Variants in PKN2 observed in about 807,000 individuals in gnomAD.
PKN2 encodes serine/threonine-protein kinase N2.
In PKN2, 38 loss-of-function variants were observed where a neutral mutation model predicts 119.1. That is an observed-to-expected ratio of 0.32 (90% CI 0.25 to 0.42). The LOEUF is 0.42. PKN2 is among the 10% of genes least tolerant of loss of function. PKN2 has a pLI of 1.00. For synonymous variants in PKN2, 390 were observed against 384.9 expected (o/e 1.01, Z -0.15); for missense variants, 850 against 1,165.1 (o/e 0.73, Z 3.94).
rs796728764 is a variant in PKN2, at chr1:88,720,912, A to C, written c.49-20076A>C. ...CCATTCCTGAGTTACTTCACTTAGA[A>C]TAGTTGTCTCCGATTCTATCCAGGC... is the stretch of plus-strand genomic sequence containing the variant. On this transcript the variant is annotated intron_variant, in intron 1 of 21. Transcript: ENST00000370521. Among the ~76,000 whole-genome samples, 5 of 152,284 alleles carry C rather than the reference A, an allele frequency of 3.3e-5. No individual in the cohort carries two copies. The South Asian group carries it at 1.0e-3, about 32-fold the overall frequency.
At chr1:88,730,681 A>G (rs1339251815) in intron 1 of PKN2, among the ~76,000 whole-genome samples, 1 of 152,196 alleles carries the variant, frequency 6.6e-6, no homozygotes, top group African/African-American at 2.4e-5. Context: ...TTTTTAAGTG[A>G]GGATAATAGG....
At chr1:88,753,228 A>C (rs538220158) in intron 2 of PKN2, among the ~76,000 whole-genome samples, 35 of 152,254 alleles carry the variant, frequency 2.3e-4, no homozygotes, top group African/African-American at 7.9e-4. Context: ...GCACTTCATG[A>C]CTTTTTTATT....
rs535956197 is a variant in PKN2 at position 88,684,549 on chromosome 1, G to A, written c.-32G>A. Reference sequence around the variant, plus strand: ...CCTTCTCCCTTCGCCAGAGGCGGCCGCGTCCAGGTGCGGAGTCCATACCGG... The same window carrying A: ...CCTTCTCCCTTCGCCAGAGGCGGCCACGTCCAGGTGCGGAGTCCATACCGG... On this transcript the variant is annotated 5_prime_UTR_variant, in exon 1 of 22. Transcript: ENST00000370521. 13 of 1,489,402 alleles carry A rather than the reference G, an allele frequency of 8.7e-6. No individual in the cohort carries two copies. The African/African-American group carries it at 1.6e-4, about 18-fold the overall frequency. 92.3% of individuals were successfully genotyped at this position (1,489,402 alleles called of 1,614,324 possible).
Position 88,719,076 on chromosome 1 carries a change from A to AT in PKN2, c.49-21906dup, listed in dbSNP as rs1272792548. ...CAAACCCTCATGGTAATTTAAGAATATTTTTTCTTGTGTCGTTAGCATATA... is the reference window on the plus strand; with the variant it reads ...CAAACCCTCATGGTAATTTAAGAATATTTTTTTCTTGTGTCGTTAGCATATA... On this transcript the variant is annotated intron_variant, in intron 1 of 21. Transcript: ENST00000370521. Among the ~76,000 whole-genome samples the AT allele has an allele frequency of 2.6e-5, 4 of 152,262 alleles. No individual in the cohort carries two copies. The South Asian group carries it at 6.2e-4, about 24-fold the overall frequency.
chr1:88,729,120 C>T (rs575153711), intron 1 of PKN2, among the ~76,000 whole-genome samples: 65 of 152,124 alleles, frequency 4.3e-4, no homozygotes, highest in Non-Finnish European at 8.4e-4. Context: ...TCTTGAACTC[C>T]TGACCTCAGG....
chr1:88,820,910 T>C (rs1008375962), intron 16 of PKN2, among the ~76,000 whole-genome samples: 5 of 152,258 alleles, frequency 3.3e-5, no homozygotes, highest in Non-Finnish European at 5.9e-5. Flanking sequence ...ATCATGTATA[T>C]TAGGCATTAT....
chr1:88,738,190 C>A (rs1048237471), intron 1 of PKN2, among the ~76,000 whole-genome samples: 3 of 151,198 alleles, frequency 2.0e-5, no homozygotes, highest in South Asian at 2.1e-4. Flanking sequence ...CAAAAAAAAA[C>A]CAAACTAATC....
rs184719292 is a variant in PKN2, at chr1:88,716,651, A to G, written c.49-24337A>G. Reference sequence around the variant, plus strand: ...TTTTTGTTTTCCATTTGCTGGGTAGATCTTCCTCCATCCCTTTATTTTGAG... The same window carrying G: ...TTTTTGTTTTCCATTTGCTGGGTAGGTCTTCCTCCATCCCTTTATTTTGAG... On this transcript the variant is annotated intron_variant, in intron 1 of 21. Coordinates refer to ENST00000370521, the MANE Select transcript of PKN2 (RefSeq NM_006256.4). Among the ~76,000 whole-genome samples, 27 of 152,018 alleles carry G rather than the reference A, an allele frequency of 1.8e-4. No homozygotes were observed. In the East Asian group the frequency reaches 2.5e-3, roughly 14 times the overall value.
chr1:88,815,239 A>T (rs1004409066), intron 16 of PKN2, among the ~76,000 whole-genome samples: 13 of 152,352 alleles, frequency 8.5e-5, no homozygotes, highest in Non-Finnish European at 1.8e-4. Context: ...TATAAATTAT[A>T]TACAAATAAA....
At chr1:88,711,073 T>C (rs562487046) in intron 1 of PKN2, among the ~76,000 whole-genome samples, 1 of 151,414 alleles carries the variant, frequency 6.6e-6, no homozygotes, top group Non-Finnish European at 1.5e-5. Flanking sequence ...TTCTGTCTTA[T>C]AAGTGGGAGC....
intron 16 of PKN2, 41 bp from the exon 17 acceptor site, chr1:88,821,900 T>C (rs752065702): frequency 8.6e-5 from 126 of 1,465,198 alleles, no homozygotes; most frequent in Non-Finnish European, 1.1e-4. Flanking sequence ...TCAAGAGCAA[T>C]AAAATTTATT....
At chr1:88,753,573 A>C (rs1350833658) in intron 2 of PKN2, among the ~76,000 whole-genome samples, 1 of 152,092 alleles carries the variant, frequency 6.6e-6, no homozygotes, top group East Asian at 1.9e-4. Context: ...TACAGGAAAC[A>C]TGATGCTGGC....
At chr1:88,812,868 A>C (rs540567649) in intron 15 of PKN2, among the ~76,000 whole-genome samples, 11 of 152,346 alleles carry the variant, frequency 7.2e-5, no homozygotes, top group African/African-American at 2.6e-4. Context: ...TTGGCTTAAT[A>C]AAGCAGATGT....
chr1:88,707,441 CTG>C (rs929361188), intron 1 of PKN2, among the ~76,000 whole-genome samples: 3 of 151,944 alleles, frequency 2.0e-5, no homozygotes, highest in Non-Finnish European at 4.4e-5. Context: ...TATTATAAAT[CTG>C]TTTTTTTGTA....
intron 1 of PKN2, among the ~76,000 whole-genome samples, chr1:88,735,905 T>C (rs577041344): frequency 5.9e-5 from 9 of 152,274 alleles, no homozygotes; most frequent in African/African-American, 1.9e-4. Flanking sequence ...TGTTATTATC[T>C]CTTTGAATAA....
At chr1:88,807,485 C>T in intron 13 of PKN2, 42 bp downstream of exon 13, 1 of 1,603,438 alleles carries the variant, frequency 6.2e-7, no homozygotes, top group South Asian at 1.1e-5. Flanking sequence ...ATGTTTGGTA[C>T]CATACTTTAT....
chr1:88,704,151 T>C (rs1165896865), intron 1 of PKN2, among the ~76,000 whole-genome samples: 1 of 152,176 alleles, frequency 6.6e-6, no homozygotes, highest in Non-Finnish European at 1.5e-5. Context: ...CCTCCTGTCA[T>C]TATTCCCTTT....
intron 8 of PKN2, among the ~76,000 whole-genome samples, chr1:88,789,219 G>A (rs531362243): frequency 2.2e-4 from 33 of 152,314 alleles, no homozygotes; most frequent in African/African-American, 7.9e-4. Context: ...ATCAGTGGAT[G>A]TTGAAGTATT....
chr1:88,804,825 C>T (rs756088210), intron 9 of PKN2, 21 bp from the exon 10 acceptor site: 3 of 1,356,722 alleles, frequency 2.2e-6, no homozygotes, highest in South Asian at 2.5e-5. Context: ...TTCATGTCAA[C>T]TTGAATTTTC....
Sources: gnomAD v4.1 joint callset for allele counts (sites outside exome capture counted in the v4.1 genomes callset) on GRCh38, gnomAD v4.1.1 for gene constraint, MANE v1.5 for transcripts, NCBI Gene and HGNC (gene_info 2026-07-23, HGNC 2026-07-21) for gene names.